SLC39A11: variants seen among roughly 807,000 people sequenced by gnomAD.
The protein encoded by SLC39A11 is solute carrier family 39 member 11.
In SLC39A11, 33 loss-of-function variants were observed where a neutral mutation model predicts 36.1. The ratio of observed to expected loss-of-function variants is 0.91; its 90% CI spans 0.69 to 1.22. The LOEUF is 1.22. Ranked by LOEUF, SLC39A11 falls within the 50% of genes most tolerant of loss-of-function variation. The pLI, the probability that SLC39A11 is intolerant of heterozygous loss-of-function variation, is 0.00. For synonymous variants in SLC39A11, 166 were observed against 170.3 expected (o/e 0.97, Z 0.20); for missense variants, 432 against 430.3 (o/e 1.00, Z -0.03).
chr17:72,882,787 G>C (rs1384637799), intron 5 of SLC39A11, among the ~76,000 whole-genome samples: 1 of 86,708 alleles, frequency 1.2e-5, no homozygotes, highest in African/African-American at 6.1e-5. Context: ...TTGAGGGAGA[G>C]AGAATGCTTC....
intron 7 of SLC39A11, among the ~76,000 whole-genome samples, chr17:72,709,986 G>C (rs2073050082): frequency 6.6e-6 from 1 of 152,094 alleles, no homozygotes; most frequent in South Asian, 2.1e-4. Context: ...TTATAATTTT[G>C]ATTGTTGCTC....
chr17:72,768,655 T>C (rs545890749), intron 6 of SLC39A11, among the ~76,000 whole-genome samples: 1 of 152,366 alleles, frequency 6.6e-6, no homozygotes, highest in Non-Finnish European at 1.5e-5. Flanking sequence ...GACTGGCATA[T>C]GGCACAGTCC....
At chr17:72,737,057 C>T (rs1435598750) in intron 6 of SLC39A11, among the ~76,000 whole-genome samples, 1 of 142,282 alleles carries the variant, frequency 7.0e-6, no homozygotes, top group Non-Finnish European at 1.6e-5. Context: ...AGGCAGATCA[C>T]CTGAGGTCAG....
At chr17:72,838,626 G>A (rs568774458) in intron 6 of SLC39A11, among the ~76,000 whole-genome samples, 7 of 152,300 alleles carry the variant, frequency 4.6e-5, no homozygotes, top group Admixed American at 2.0e-4. Context: ...CAGTGTGGAA[G>A]TGTAATTGAC....
intron 6 of SLC39A11, among the ~76,000 whole-genome samples, chr17:72,848,640 G>T (rs1220267535): frequency 1.3e-5 from 2 of 151,430 alleles, no homozygotes; most frequent in Non-Finnish European, 2.9e-5. Context: ...AGAATCACTT[G>T]AACCCAGGAG....
At chr17:72,857,899 C>T (rs2079736679) in intron 5 of SLC39A11, among the ~76,000 whole-genome samples, 1 of 152,150 alleles carries the variant, frequency 6.6e-6, no homozygotes, top group African/African-American at 2.4e-5. Context: ...GCATAGTTTG[C>T]AAAAATTTTC....
intron 5 of SLC39A11, among the ~76,000 whole-genome samples, chr17:72,924,163 T>C (rs80327984): frequency 3.2e-5 from 1 of 31,158 alleles, no homozygotes. Context: ...AAAAAAAAAA[T>C]TTTTTTTTTT....
chr17:72,792,410 C>T (rs984593382), intron 6 of SLC39A11, among the ~76,000 whole-genome samples: 5 of 152,140 alleles, frequency 3.3e-5, no homozygotes, highest in African/African-American at 1.2e-4. Context: ...TGTGGAACTA[C>T]CTAGGTGGGG....
In SLC39A11 at chr17:72,691,447, G is replaced by C. The variant is rs576123220; in HGVS notation, c.672-42179C>G. Among the ~76,000 whole-genome samples the C allele has an allele frequency of 5.3e-4, 80 of 152,304 alleles. No individual in the cohort carries two copies. In the Middle Eastern group the frequency reaches 0.01, roughly 19 times the overall value. On this transcript the variant is annotated intron_variant, in intron 7 of 9. Coordinates refer to ENST00000255559, the MANE Select transcript of SLC39A11 (RefSeq NM_139177.4). ...CACCTGATAACTAATGGTCCTTCCAGCAGACAGATTCATCTACTCACTTGA... is the reference window on the plus strand; with the variant it reads ...CACCTGATAACTAATGGTCCTTCCACCAGACAGATTCATCTACTCACTTGA...
intron 7 of SLC39A11, among the ~76,000 whole-genome samples, chr17:72,727,651 CAA>C (rs57874434): frequency 3.0e-4 from 22 of 73,222 alleles, no homozygotes; most frequent in African/African-American, 3.4e-4. Context: ...GACTCCGTCT[CAA>C]AAAAAAAAAA....
intron 7 of SLC39A11, among the ~76,000 whole-genome samples, chr17:72,729,457 A>ATTT (rs55729197): frequency 1.5e-3 from 11 of 7,234 alleles, no homozygotes; most frequent in East Asian, 0.015. Flanking sequence ...ATATATATAT[A>ATTT]TTTTTTTTTT....
Position 72,676,320 on chromosome 17 carries a change from TC to T in SLC39A11, c.672-27053del, listed in dbSNP as rs2071259812. On this transcript the variant is annotated intron_variant, in intron 7 of 9. Coordinates refer to ENST00000255559, the MANE Select transcript of SLC39A11 (RefSeq NM_139177.4). ...CCCCTGATACCTTCTGAAGTAAAAA[TC>T]CCAGAAGGGTGCCTTCAACAGAAAT... Among the ~76,000 whole-genome samples the T allele has an allele frequency of 2.0e-5, 3 of 152,010 alleles. No homozygotes were observed. In the South Asian group the frequency reaches 6.2e-4, roughly 31 times the overall value.
intron 7 of SLC39A11, among the ~76,000 whole-genome samples, chr17:72,683,977 A>AG (rs2071625453): frequency 6.6e-6 from 1 of 152,124 alleles, no homozygotes. Context: ...CTGCTAGTGG[A>AG]GGGGCTCTTT....
intron 6 of SLC39A11, among the ~76,000 whole-genome samples, chr17:72,776,346 T>C (rs554534278): frequency 6.6e-6 from 1 of 152,324 alleles, no homozygotes; most frequent in South Asian, 2.1e-4. Flanking sequence ...ACAAACAATT[T>C]GTTACTCTCC....
chr17:72,931,152 G>A (rs1332957085), intron 5 of SLC39A11, among the ~76,000 whole-genome samples: 3 of 152,126 alleles, frequency 2.0e-5, no homozygotes, highest in Non-Finnish European at 4.4e-5. Flanking sequence ...AGACAAAGAG[G>A]AGTACAGGCC....
chr17:72,835,713 G>A (rs570345845), intron 6 of SLC39A11, among the ~76,000 whole-genome samples: 18 of 152,232 alleles, frequency 1.2e-4, no homozygotes, highest in Middle Eastern at 3.4e-3. Flanking sequence ...TGCATGCCTC[G>A]GCCTCCCAAC....
chr17:72,913,979 G>A (rs1460189164), intron 5 of SLC39A11, among the ~76,000 whole-genome samples: 1 of 148,870 alleles, frequency 6.7e-6, no homozygotes, highest in East Asian at 2.0e-4. Context: ...GGAACCCACA[G>A]ATTCAACCTA....
intron 3 of SLC39A11, among the ~76,000 whole-genome samples, chr17:73,072,000 G>C (rs114427376): frequency 5.3e-5 from 8 of 152,088 alleles, no homozygotes; most frequent in Non-Finnish European, 1.2e-4. Flanking sequence ...AAAATGAGCC[G>C]ACTACCCTAA....
chr17:72,805,513 G>A (rs913992099), intron 6 of SLC39A11, among the ~76,000 whole-genome samples: 4 of 152,220 alleles, frequency 2.6e-5, no homozygotes, highest in Admixed American at 6.5e-5. Flanking sequence ...GTGGCCAGAT[G>A]TGCTGTCAAG....
Sources: gnomAD v4.1 joint callset for allele counts (sites outside exome capture counted in the v4.1 genomes callset) on GRCh38, gnomAD v4.1.1 for gene constraint, MANE v1.5 for transcripts, NCBI Gene and HGNC (gene_info 2026-07-23, HGNC 2026-07-21) for gene names.